Variants in DHX8 observed in about 807,000 individuals in gnomAD.
DHX8 encodes ATP-dependent RNA helicase DHX8.
A neutral mutation model predicts 140.7 loss-of-function variants in DHX8; 67 were observed. The ratio of observed to expected loss-of-function variants is 0.48; its 90% CI spans 0.39 to 0.58. The LOEUF is 0.58. DHX8 is among the 20% of genes least tolerant of loss of function. The pLI is 0.00. For missense variants in DHX8, 887 were observed against 1,550.7 expected (o/e 0.57, Z 7.19); for synonymous variants, 533 against 553.2 (o/e 0.96, Z 0.51).
At chr17:43,505,225 C>T (rs890413349) in intron 12 of DHX8, among the ~76,000 whole-genome samples, 25 of 152,034 alleles carry the variant, frequency 1.6e-4, no homozygotes, top group Admixed American at 7.2e-4. Flanking sequence ...CTGGCCAACA[C>T]GGTGAAACCT....
chr17:43,484,023 G>A lies in DHX8; in HGVS notation c.-15G>A, dbSNP rs757280319. 33 of 1,613,830 alleles carry A rather than the reference G, an allele frequency of 2.0e-5. No individual in the cohort carries two copies. The Middle Eastern group carries it at 4.9e-4, about 24-fold the overall frequency. ...CGCCGGCTGTGAGGAAGGAGGTTCT[G>A]GGCAAGCTATAGCCATGGCTGTGGC... On this transcript the variant is annotated 5_prime_UTR_variant, in exon 1 of 23. Transcript: ENST00000262415.
chr17:43,499,934 GT>G, intron 10 of DHX8, 21 bp from the exon 11 acceptor site: 5 of 1,612,244 alleles, frequency 3.1e-6, no homozygotes, highest in Non-Finnish European at 4.2e-6. Context: ...AATCCATGTT[GT>G]TTTTTCTTCT....
chr17:43,534,916 G>A (rs1267809783), intron 2 of DHX8, among the ~76,000 whole-genome samples: 1 of 152,208 alleles, frequency 6.6e-6, no homozygotes, highest in Non-Finnish European at 1.5e-5. Flanking sequence ...ACTCCAGCCT[G>A]GGCAACAAGA....
At chr17:43,490,861 T>C (rs1968477290) in intron 3 of DHX8, among the ~76,000 whole-genome samples, 1 of 151,258 alleles carries the variant, frequency 6.6e-6, no homozygotes, top group Non-Finnish European at 1.5e-5. Flanking sequence ...GTGACAGAGG[T>C]TTTTTTCCCC....
At chr17:43,494,936 C>T (rs1040768248) in intron 8 of DHX8, among the ~76,000 whole-genome samples, 13 of 151,138 alleles carry the variant, frequency 8.6e-5, no homozygotes, top group East Asian at 6.0e-4. Context: ...CTCAGCCTCC[C>T]GAGTAGCTGG....
At chr17:43,511,624 A>C (rs1468770425) in intron 16 of DHX8, among the ~76,000 whole-genome samples, 1 of 150,178 alleles carries the variant, frequency 6.7e-6, no homozygotes, top group Non-Finnish European at 1.5e-5. Flanking sequence ...TGCCTGGCTA[A>C]TTTTTGTATT....
chr17:43,514,585 G>A (rs1279046666), intron 17 of DHX8, among the ~76,000 whole-genome samples: 1 of 151,994 alleles, frequency 6.6e-6, no homozygotes, highest in African/African-American at 2.4e-5. Context: ...TCACTTTTTT[G>A]AGAGAAGTTT....
rs1034134021 is a variant in DHX8 at position 43,493,022 on chromosome 17, T to C, written c.845T>C (p.Val282Ala). 6.2e-6 allele frequency: 10 copies of C among 1,613,766 alleles called. No individual in the cohort carries two copies. In the East Asian group the frequency reaches 2.2e-4, roughly 36 times the overall value. ...AGCATCATGCAGTTTGGTTGCTTTGTGCAGCTGGAAGGACTAAGGTAATGA... is the reference window on the plus strand; with the variant it reads ...AGCATCATGCAGTTTGGTTGCTTTGCGCAGCTGGAAGGACTAAGGTAATGA... ...VTSIMQFGCF[V>A]QLEGLRKRWE... The change falls in exon 6 of 23, where the codon GTG becomes GCG. Residue 282 changes from valine (V) to alanine (A), a missense_variant. Physicochemically the swap from Val to Ala is moderately conservative, Grantham distance 64 (BLOSUM62 0). Coordinates refer to ENST00000262415, the MANE Select transcript of DHX8 (RefSeq NM_004941.3).
intron 2 of DHX8, chr17:43,536,198 C>T (rs1188508524): frequency 1.8e-6 from 1 of 562,158 alleles, no homozygotes; most frequent in Non-Finnish European, 3.2e-6. Flanking sequence ...AGATATAAGG[C>T]AATGGAGAAC....
At chr17:43,488,912 G>T (rs1487612299) in intron 1 of DHX8, among the ~76,000 whole-genome samples, 1 of 152,166 alleles carries the variant, frequency 6.6e-6, no homozygotes, top group Non-Finnish European at 1.5e-5. Context: ...GAGCCATTTT[G>T]TAGTAATATC....
intron 12 of DHX8, 80 bp downstream of exon 12, chr17:43,504,905 A>G (rs1969402474): frequency 7.5e-7 from 1 of 1,331,686 alleles, no homozygotes; most frequent in Non-Finnish European, 1.0e-6. Context: ...ACTGAAACTA[A>G]CGGGACAAGT....
At chr17:43,534,922 C>G (rs2154587143) in intron 2 of DHX8, among the ~76,000 whole-genome samples, 1 of 152,328 alleles carries the variant, frequency 6.6e-6, no homozygotes, top group Non-Finnish European at 1.5e-5. Context: ...GCCTGGGCAA[C>G]AAGAGTGAAA....
chr17:43,511,640 T>C (rs1969844399), intron 16 of DHX8, among the ~76,000 whole-genome samples: 1 of 150,654 alleles, frequency 6.6e-6, no homozygotes, highest in Non-Finnish European at 1.5e-5. Flanking sequence ...GTATTTTTAG[T>C]AGAGACAGGG....
chr17:43,512,834 A>G (rs1260871840), intron 16 of DHX8, among the ~76,000 whole-genome samples: 1 of 152,204 alleles, frequency 6.6e-6, no homozygotes, highest in Admixed American at 6.5e-5. Flanking sequence ...ACACACGCAA[A>G]CTGTGAAATT....
intron 2 of DHX8, chr17:43,533,279 T>C: frequency 6.2e-7 from 1 of 1,613,702 alleles, no homozygotes; most frequent in Non-Finnish European, 8.5e-7. Flanking sequence ...GAAAGGGCTG[T>C]AGGGGCGACT....
chr17:43,503,590 AGGAGGTGGAGGTTGCTGAGCTGAGATCTC>A (rs1969330247), intron 11 of DHX8, among the ~76,000 whole-genome samples: 1 of 151,742 alleles, frequency 6.6e-6, no homozygotes, highest in African/African-American at 2.4e-5. Flanking sequence ...GCTTGAGCCC[AGGAGGTGGAGGTTGCTGAGCTGAGATCTC>A]GCCACTGCAC....
chr17:43,495,006 G>T (rs1332917656), intron 8 of DHX8, among the ~76,000 whole-genome samples: 6 of 151,666 alleles, frequency 4.0e-5, no homozygotes, highest in Non-Finnish European at 8.8e-5. Flanking sequence ...TAGAGACGGG[G>T]TTTCACCATG....
chr17:43,497,501 C>T (rs919707236), intron 9 of DHX8, among the ~76,000 whole-genome samples: 1 of 152,070 alleles, frequency 6.6e-6, no homozygotes, highest in Non-Finnish European at 1.5e-5. Flanking sequence ...CCTGTAATCC[C>T]AGCACTTTGG....
intron 1 of DHX8, among the ~76,000 whole-genome samples, chr17:43,488,732 G>A (rs1286486320): frequency 6.6e-6 from 1 of 152,162 alleles, no homozygotes; most frequent in East Asian, 1.9e-4. Flanking sequence ...GATTGGGTCT[G>A]TCCTTCTGTT....
Sources: allele counts gnomAD v4.1 joint callset (sites outside exome capture counted in the v4.1 genomes callset), GRCh38; gene constraint gnomAD v4.1.1; transcripts MANE v1.5; gene names NCBI Gene and HGNC (gene_info 2026-07-23, HGNC 2026-07-21).